VPS13B: variants seen among roughly 807,000 people sequenced by gnomAD.
The protein encoded by VPS13B is intermembrane lipid transfer protein VPS13B.
In VPS13B, 285 loss-of-function variants were observed where a neutral mutation model predicts 426.4. The observed-to-expected ratio is 0.67, with a 90% CI of 0.61 to 0.74. VPS13B has a LOEUF of 0.74. Among genes scored for constraint, VPS13B ranks in the 30% least tolerant of loss-of-function variants. The pLI is 0.00. For missense variants in VPS13B, 4,537 were observed against 4,782.6 expected (o/e 0.95, Z 1.51); for synonymous variants, 1,676 against 1,676.4 (o/e 1.00, Z 0.01).
intron 39 of VPS13B, among the ~76,000 whole-genome samples, chr8:99,755,993 A>G (rs1191173522): frequency 6.6e-6 from 1 of 152,090 alleles, no homozygotes; most frequent in Admixed American, 6.5e-5. Flanking sequence ...AGCGATCAAT[A>G]GAAATTGTCC....
At chr8:99,438,822 A>G (rs1817535248) in intron 22 of VPS13B, among the ~76,000 whole-genome samples, 1 of 152,204 alleles carries the variant, frequency 6.6e-6, no homozygotes. Flanking sequence ...TGGCCCCTAT[A>G]TACAGAGATA....
chr8:99,840,998 G>A (rs544364660), intron 54 of VPS13B, among the ~76,000 whole-genome samples: 1 of 152,296 alleles, frequency 6.6e-6, no homozygotes, highest in South Asian at 2.1e-4. Flanking sequence ...ATGTCTGCTA[G>A]GTACCCTGGT....
intron 39 of VPS13B, among the ~76,000 whole-genome samples, chr8:99,744,884 T>C (rs1809997093): frequency 1.3e-5 from 2 of 152,032 alleles, no homozygotes; most frequent in Admixed American, 6.6e-5. Flanking sequence ...GACGAGTTAA[T>C]GGGTGCAGCA....
At chr8:99,427,876 A>T (rs1267372458) in intron 21 of VPS13B, among the ~76,000 whole-genome samples, 1 of 152,168 alleles carries the variant, frequency 6.6e-6, no homozygotes, top group African/African-American at 2.4e-5. Context: ...AGGCTACCTG[A>T]CTTCAAACGG....
chr8:99,142,908 C>G, intron 12 of VPS13B, 66 bp from the exon 13 acceptor site: 1 of 1,500,344 alleles, frequency 6.7e-7, no homozygotes, highest in Non-Finnish European at 9.0e-7. Context: ...GAGAGAAGAG[C>G]GATTTTAAAA....
At chr8:99,159,179 G>A (rs1184110617) in intron 15 of VPS13B, among the ~76,000 whole-genome samples, 1 of 152,188 alleles carries the variant, frequency 6.6e-6, no homozygotes, top group Non-Finnish European at 1.5e-5. Context: ...ACTAGAATTG[G>A]TGTCTGAAGA....
chr8:99,665,001 A>T (rs1386004430), intron 35 of VPS13B, among the ~76,000 whole-genome samples: 1 of 152,132 alleles, frequency 6.6e-6, no homozygotes, highest in Admixed American at 6.5e-5. Context: ...CTTTTTAATG[A>T]TCACCATTCT....
intron 19 of VPS13B, among the ~76,000 whole-genome samples, chr8:99,377,765 C>G (rs1370254267): frequency 6.6e-6 from 1 of 152,106 alleles, no homozygotes; most frequent in African/African-American, 2.4e-5. Context: ...GTGATGCCCC[C>G]TGAGCTGTAA....
chr8:99,312,949 G>A (rs1383180784), intron 19 of VPS13B, among the ~76,000 whole-genome samples: 2 of 152,102 alleles, frequency 1.3e-5, no homozygotes, highest in Non-Finnish European at 2.9e-5. Context: ...CTTTCTTCCA[G>A]TTGATCGAAT....
intron 19 of VPS13B, among the ~76,000 whole-genome samples, chr8:99,333,896 T>C (rs1810678427): frequency 6.6e-6 from 1 of 152,008 alleles, no homozygotes; most frequent in Admixed American, 6.6e-5. Context: ...TGTATATCGG[T>C]AGTTTATTGT....
intron 17 of VPS13B, among the ~76,000 whole-genome samples, chr8:99,195,402 G>A (rs866489743): frequency 2.6e-5 from 4 of 152,210 alleles, no homozygotes; most frequent in Non-Finnish European, 5.9e-5. Flanking sequence ...GTCTGTTCAG[G>A]TCCTGTGCCC....
In VPS13B at chr8:99,502,877, A is replaced by T. The variant is rs1230385293; in HGVS notation, c.4084A>T (p.Ile1362Leu). 6.2e-7 allele frequency: 1 copy of T among 1,613,552 alleles called. No homozygotes were observed. The highest frequency in any genetic ancestry group is 1.1e-5 in the South Asian group (1 of 91,082). ...VSELEDLSAS[I>L]DVQDVYTKVK... is the part of the protein sequence containing the mutation. Reference sequence around the variant, plus strand: ...TGAACTAGAAGATCTCAGTGCTTCCATAGATGTCCAGGATGTATATACCAA... The same window carrying T: ...TGAACTAGAAGATCTCAGTGCTTCCTTAGATGTCCAGGATGTATATACCAA... Residue 1362 changes from isoleucine to leucine, a missense_variant, in exon 27 of 62, where the codon ATA becomes TTA. This residue lies in a region of VPS13B where 4,311 missense variants were observed against 4,474.3 expected (regional missense o/e 0.96). Transcript: ENST00000357162.
At position 99,740,877 on chromosome 8, in the gene VPS13B, T is replaced by C. The variant is rs975495029; in HGVS notation, c.7050+19830T>C. On this transcript the variant is annotated intron_variant, in intron 39 of 61. Coordinates refer to ENST00000357162, the MANE Select transcript of VPS13B (RefSeq NM_152564.5). ...CCAGCCACTGCAAAATCATGCCAAA[T>C]TGTAAAGACCATCGAGGCTAGGAAG... Among the ~76,000 whole-genome samples the C allele has an allele frequency of 3.3e-5, 5 of 151,694 alleles. 1 individual carries two copies. The highest frequency in any genetic ancestry group is 1.2e-4 in the African/African-American group (5 of 41,178).
chr8:99,619,075 C>T (rs1828237367), intron 33 of VPS13B, among the ~76,000 whole-genome samples: 1 of 152,160 alleles, frequency 6.6e-6, no homozygotes, highest in Admixed American at 6.5e-5. Flanking sequence ...AGTTGTTTCC[C>T]AAAGCTACCT....
chr8:99,312,055 C>T (rs907096793), intron 19 of VPS13B, among the ~76,000 whole-genome samples: 1 of 152,098 alleles, frequency 6.6e-6, no homozygotes, highest in Non-Finnish European at 1.5e-5. Flanking sequence ...TTATTTTGAG[C>T]CTATGTGGGT....
At chr8:99,366,041 T>C (rs763370899) in intron 19 of VPS13B, among the ~76,000 whole-genome samples, 43 of 152,046 alleles carry the variant, frequency 2.8e-4, no homozygotes, top group Admixed American at 5.2e-4. Context: ...GAAAGATCCA[T>C]GTGCTAAAGA....
intron 17 of VPS13B, among the ~76,000 whole-genome samples, chr8:99,235,673 A>G (rs1371601157): frequency 6.6e-6 from 1 of 152,208 alleles, no homozygotes; most frequent in Non-Finnish European, 1.5e-5. Context: ...AGGAATTGCT[A>G]ATTATTTTCT....
chr8:99,541,500 C>T (rs562161570), intron 30 of VPS13B, among the ~76,000 whole-genome samples: 8 of 152,230 alleles, frequency 5.3e-5, no homozygotes, highest in African/African-American at 1.9e-4. Flanking sequence ...TCTTCCCCTT[C>T]CCCCTGCACC....
chr8:99,574,038 A>C (rs189534424), intron 31 of VPS13B, among the ~76,000 whole-genome samples: 1 of 152,006 alleles, frequency 6.6e-6, no homozygotes, highest in Non-Finnish European at 1.5e-5. Context: ...TTGTATTCCT[A>C]GGTATTTTTT....
Sources: gnomAD v4.1 joint callset for allele counts (sites outside exome capture counted in the v4.1 genomes callset) on GRCh38, gnomAD v4.1.1 for gene constraint, gnomAD v4.1.1 regional missense constraint, MANE v1.5 for transcripts, NCBI Gene and HGNC (gene_info 2026-07-23, HGNC 2026-07-21) for gene names.